XPR1: variants seen among roughly 807,000 people sequenced by gnomAD.
XPR1 encodes xenotropic and polytropic retrovirus receptor 1.
A neutral mutation model predicts 87.5 loss-of-function variants in XPR1; 28 were observed. The ratio of observed to expected loss-of-function variants is 0.32; its 90% CI spans 0.24 to 0.44. The LOEUF is 0.44. XPR1 is among the 20% of genes least tolerant of loss of function. The pLI, the probability that XPR1 is intolerant of heterozygous loss-of-function variation, is 1.00. For synonymous variants in XPR1, 300 were observed against 306.1 expected (o/e 0.98, Z 0.21); for missense variants, 559 against 862.3 (o/e 0.65, Z 4.41).
At chr1:180,637,048 C>T (rs1654803622) in intron 1 of XPR1, among the ~76,000 whole-genome samples, 1 of 57,672 alleles carries the variant, frequency 1.7e-5, no homozygotes, top group Admixed American at 2.3e-4. Flanking sequence ...AAGACTTCAT[C>T]TCAAAAAAAA....
chr1:180,836,895 C>T (rs535631975), intron 11 of XPR1, among the ~76,000 whole-genome samples, 179 bp downstream of exon 11: 2 of 152,200 alleles, frequency 1.3e-5, no homozygotes, highest in South Asian at 4.1e-4. Context: ...CCAGTATCTA[C>T]TGATAAAGTA....
intron 10 of XPR1, among the ~76,000 whole-genome samples, chr1:180,836,268 G>T (rs1371023558): frequency 6.6e-6 from 1 of 151,824 alleles, no homozygotes; most frequent in Admixed American, 6.6e-5. Context: ...TGAGATGAGA[G>T]AATCCCTGGA....
chr1:180,834,107 G>T (rs1454735997), intron 9 of XPR1, among the ~76,000 whole-genome samples: 1 of 150,780 alleles, frequency 6.6e-6, no homozygotes, highest in Non-Finnish European at 1.5e-5. Context: ...TTTTGAGATG[G>T]AGCCTTGCTC....
At chr1:180,651,992 A>G (rs983619261) in intron 1 of XPR1, among the ~76,000 whole-genome samples, 8 of 152,286 alleles carry the variant, frequency 5.3e-5, no homozygotes, top group African/African-American at 1.9e-4. Context: ...CCTGTGGCCT[A>G]TAAAAGTTGA....
Position 180,747,450 on chromosome 1 carries a change from A to G in XPR1, c.122-40303A>G, listed in dbSNP as rs112386311. The stretch of plus-strand genomic sequence containing the variant: ...TCACTAAAAGTTTGCAGAGGAGTCT[A>G]TTATTTGTTTGTAATTTGCCTTGTT... On this transcript the variant is annotated intron_variant, in intron 2 of 14. Coordinates refer to ENST00000367590, the MANE Select transcript of XPR1 (RefSeq NM_004736.4). 1.6e-3 allele frequency among the ~76,000 whole-genome samples: 250 copies of G among 152,284 alleles called. 1 individual carries two copies. The highest frequency in any genetic ancestry group is 5.7e-3 in the African/African-American group (236 of 41,576).
At chr1:180,654,989 T>C (rs191876675) in intron 1 of XPR1, among the ~76,000 whole-genome samples, 1 of 152,344 alleles carries the variant, frequency 6.6e-6, no homozygotes, top group African/African-American at 2.4e-5. Flanking sequence ...ATAGTTTTAA[T>C]TTTTTGAGGA....
chr1:180,649,851 T>G (rs909620952), intron 1 of XPR1, among the ~76,000 whole-genome samples: 3 of 152,164 alleles, frequency 2.0e-5, no homozygotes, highest in East Asian at 1.9e-4. Flanking sequence ...GGGAGTTGAG[T>G]GGACCTGTTA....
chr1:180,759,840 A>C (rs1647927855), intron 2 of XPR1, among the ~76,000 whole-genome samples: 1 of 152,254 alleles, frequency 6.6e-6, no homozygotes, highest in African/African-American at 2.4e-5. Context: ...AATATCCTTC[A>C]TGAACATTGA....
intron 2 of XPR1, among the ~76,000 whole-genome samples, chr1:180,769,640 A>G (rs559459324): frequency 5.3e-5 from 8 of 152,062 alleles, no homozygotes; most frequent in African/African-American, 1.9e-4. Context: ...GCTAAATAGT[A>G]CTCCATTGTG....
At chr1:180,683,543 C>T (rs917699193) in intron 2 of XPR1, among the ~76,000 whole-genome samples, 26 of 152,110 alleles carry the variant, frequency 1.7e-4, no homozygotes, top group African/African-American at 5.3e-4. Flanking sequence ...ATCACCACAC[C>T]GACTTCCACA....
rs1285220415 is a variant in XPR1 at position 180,888,715 on chromosome 1, C to T, written c.*4649C>T. On this transcript the variant is annotated 3_prime_UTR_variant, in exon 15 of 15. Coordinates refer to ENST00000367590, the MANE Select transcript of XPR1 (RefSeq NM_004736.4). Reference sequence around the variant, plus strand: ...AAGGTTTTCTAAATGCAAACACATACGTTTCTGCATTTCAGAAGTCAGTCT... The same window carrying T: ...AAGGTTTTCTAAATGCAAACACATATGTTTCTGCATTTCAGAAGTCAGTCT... 6.6e-6 allele frequency: 1 copy of T among 152,154 alleles called. No individual in the cohort carries two copies. Among genetic ancestry groups the T allele is most frequent in the Non-Finnish European group, 1.5e-5 (1 of 68,030 alleles). 9.4% of individuals were successfully genotyped at this position (152,154 alleles called of 1,614,324 possible).
At chr1:180,860,654 A>G (rs915958968) in intron 11 of XPR1, among the ~76,000 whole-genome samples, 5 of 152,150 alleles carry the variant, frequency 3.3e-5, no homozygotes, top group African/African-American at 1.2e-4. Context: ...AAAAAGGCAA[A>G]ACTACCAGAA....
chr1:180,766,607 C>G (rs908461668), intron 2 of XPR1, among the ~76,000 whole-genome samples: 1 of 151,746 alleles, frequency 6.6e-6, no homozygotes, highest in Non-Finnish European at 1.5e-5. Flanking sequence ...AAAAAAAAAC[C>G]TTTTGTGAAA....
At chr1:180,877,921 G>A (rs1023562929) in intron 13 of XPR1, 9 of 152,158 alleles carry the variant, frequency 5.9e-5, no homozygotes, top group African/African-American at 2.2e-4. Flanking sequence ...TTTTCAGATA[G>A]GTGTATAACA....
At position 180,885,071 on chromosome 1, in the gene XPR1, T is replaced by TGCA. The variant is rs975329397; in HGVS notation, c.*1006_*1008dup. On this transcript the variant is annotated 3_prime_UTR_variant, in exon 15 of 15. Coordinates refer to ENST00000367590, the MANE Select transcript of XPR1 (RefSeq NM_004736.4). ...TAACAGCTGAAGCTATGCCTTATTATGCATCCACATGTATGGTCCCTGTAG... is the reference window on the plus strand; with the variant it reads ...TAACAGCTGAAGCTATGCCTTATTATGCAGCATCCACATGTATGGTCCCTGTAG... The TGCA allele has an allele frequency of 6.6e-6, 1 of 152,616 alleles. No homozygotes were observed. Among genetic ancestry groups the TGCA allele is most frequent in the Non-Finnish European group, 1.5e-5 (1 of 68,036 alleles). 9.5% of individuals were successfully genotyped at this position (152,616 alleles called of 1,614,324 possible).
intron 1 of XPR1, among the ~76,000 whole-genome samples, chr1:180,677,600 A>G (rs1450859359): frequency 6.6e-6 from 1 of 152,186 alleles, no homozygotes; most frequent in East Asian, 1.9e-4. Flanking sequence ...GTTATCCCCA[A>G]GAGCAATTTG....
At chr1:180,690,594 A>G (rs577182591) in intron 2 of XPR1, among the ~76,000 whole-genome samples, 13 of 152,164 alleles carry the variant, frequency 8.5e-5, no homozygotes, top group Admixed American at 2.6e-4. Context: ...AATCAGGCCA[A>G]GCTTCCTCTT....
intron 2 of XPR1, among the ~76,000 whole-genome samples, chr1:180,781,344 C>G (rs1183550817): frequency 1.3e-5 from 2 of 151,788 alleles, no homozygotes; most frequent in South Asian, 2.1e-4. Context: ...TCTCACAGAT[C>G]TGGAAATTAA....
intron 11 of XPR1, among the ~76,000 whole-genome samples, chr1:180,849,363 C>T (rs1651793685): frequency 6.6e-6 from 1 of 152,086 alleles, no homozygotes; most frequent in South Asian, 2.1e-4. Context: ...AAGTTATTTC[C>T]TACAAGGCAG....
Sources: gnomAD v4.1 joint callset for allele counts (sites outside exome capture counted in the v4.1 genomes callset) on GRCh38, gnomAD v4.1.1 for gene constraint, MANE v1.5 for transcripts, NCBI Gene and HGNC (gene_info 2026-07-23, HGNC 2026-07-21) for gene names.